ATP2B2: variants seen among roughly 807,000 people sequenced by gnomAD.
ATP2B2 encodes the protein ATPase plasma membrane Ca2+ transporting 2.
In ATP2B2, 15 loss-of-function variants were observed where a neutral mutation model predicts 120.0. The observed-to-expected ratio is 0.12, with a 90% confidence interval of 0.08 to 0.19. The LOEUF is 0.19. ATP2B2 is among the 10% of genes least tolerant of loss of function. The pLI, the probability that ATP2B2 is intolerant of heterozygous loss-of-function variation, is 1.00. For synonymous variants in ATP2B2, 694 were observed against 700.3 expected, an observed-to-expected ratio of 0.99 and a Z score of 0.14; for missense variants, 1,045 against 1,719.8, an observed-to-expected ratio of 0.61 and a Z score of 6.94.
intron 1 of ATP2B2, among the ~76,000 whole-genome samples, chr3:10,645,116 G>A (rs1447070190): frequency 6.6e-6 from 1 of 152,148 alleles, no homozygotes; most frequent in Non-Finnish European, 1.5e-5. Context: ...AAAAGAGAGA[G>A]AGAGAGAGAA....
chr3:10,573,150 C>A (rs529154225), intron 2 of ATP2B2, among the ~76,000 whole-genome samples: 6 of 105,770 alleles, frequency 5.7e-5, no homozygotes, highest in African/African-American at 1.9e-4. Flanking sequence ...AAGCCAAATA[C>A]ATTTTTTTTT....
intron 3 of ATP2B2, among the ~76,000 whole-genome samples, chr3:10,521,460 G>A (rs1439050187): frequency 3.9e-5 from 6 of 152,236 alleles, no homozygotes; most frequent in Admixed American, 3.9e-4. Context: ...TAATGTCGGT[G>A]ATTATGGACA....
At chr3:10,352,496 C>T (rs984074365) in intron 14 of ATP2B2, among the ~76,000 whole-genome samples, 5 of 152,186 alleles carry the variant, frequency 3.3e-5, no homozygotes, top group East Asian at 3.8e-4. Context: ...TCTAAGAGAC[C>T]GGCTCTGTGG....
rs34189325 is a variant in ATP2B2, at chr3:10,490,400, C to CTTTT, written c.-320+15061_-320+15064dup. Among the ~76,000 whole-genome samples the CTTTT allele has an allele frequency of 1.5e-4, 20 of 136,830 alleles. 2 individuals are homozygous for CTTTT. Among genetic ancestry groups the CTTTT allele is most frequent in the Middle Eastern group, 3.9e-3 (1 of 254 alleles). The allele number at this position is 136,830 out of a possible 152,430, so 89.8% of individuals were successfully genotyped here. Reference sequence around the variant, plus strand: ...ACAATACATGTCAGTCCACGGCATTCTTTTTTTTTTTTTTTTTCTCTGAGA... The same window carrying CTTTT: ...ACAATACATGTCAGTCCACGGCATTCTTTTTTTTTTTTTTTTTTTTTCTCTGAGA... On this transcript the variant is annotated intron_variant, in intron 1 of 22. Coordinates refer to ENST00000360273, the MANE Select transcript of ATP2B2 (RefSeq NM_001001331.4).
At chr3:10,559,676 C>T (rs1181880408) in intron 2 of ATP2B2, among the ~76,000 whole-genome samples, 3 of 152,202 alleles carry the variant, frequency 2.0e-5, no homozygotes, top group Non-Finnish European at 2.9e-5. Flanking sequence ...CCAATCCCAG[C>T]TCTCTGAGAA....
intron 3 of ATP2B2, among the ~76,000 whole-genome samples, chr3:10,403,769 A>G (rs921185205): frequency 1.3e-5 from 2 of 152,212 alleles, no homozygotes; most frequent in African/African-American, 4.8e-5. Flanking sequence ...GCTGGCTGAG[A>G]GAAGGGTACC....
intron 1 of ATP2B2, among the ~76,000 whole-genome samples, chr3:10,685,515 A>AGT (rs916574095): frequency 6.6e-6 from 1 of 150,834 alleles, no homozygotes; most frequent in Admixed American, 6.6e-5. Context: ...AGAGAGAGAG[A>AGT]GTGTGTGTAT....
chr3:10,572,695 C>CT (rs971163411), intron 2 of ATP2B2, among the ~76,000 whole-genome samples: 1 of 152,186 alleles, frequency 6.6e-6, no homozygotes, highest in African/African-American at 2.4e-5. Flanking sequence ...CCACTGCTCA[C>CT]TTCCTCCAGG....
intron 1 of ATP2B2, among the ~76,000 whole-genome samples, chr3:10,481,332 G>A (rs1268129868): frequency 1.4e-5 from 2 of 147,460 alleles, no homozygotes; most frequent in South Asian, 2.2e-4. Flanking sequence ...CTGTTTCTGC[G>A]GCACACCAGC....
At chr3:10,566,394 T>TC (rs2125537622) in intron 2 of ATP2B2, 1 of 152,334 alleles carries the variant, frequency 6.6e-6, no homozygotes, top group African/African-American at 2.4e-5. Flanking sequence ...TTACTTTTTT[T>TC]CTTTATCTTC....
intron 2 of ATP2B2, among the ~76,000 whole-genome samples, chr3:10,597,963 G>A (rs191717578): frequency 8.5e-5 from 13 of 152,268 alleles, no homozygotes; most frequent in African/African-American, 2.9e-4. Flanking sequence ...TTCGGGAGCC[G>A]ATTTGAACAG....
At chr3:10,625,814 A>C (rs964309219) in intron 1 of ATP2B2, among the ~76,000 whole-genome samples, 1 of 152,194 alleles carries the variant, frequency 6.6e-6, no homozygotes, top group African/African-American at 2.4e-5. Context: ...TAGTGCGCGT[A>C]TTGTATGTTT....
At chr3:10,654,105 G>A (rs2125670310) in intron 1 of ATP2B2, among the ~76,000 whole-genome samples, 1 of 152,246 alleles carries the variant, frequency 6.6e-6, no homozygotes, top group East Asian at 1.9e-4. Context: ...AACCCTCTGA[G>A]GCAGGCTTTG....
At chr3:10,523,372 C>A (rs2067023501) in intron 3 of ATP2B2, among the ~76,000 whole-genome samples, 1 of 152,202 alleles carries the variant, frequency 6.6e-6, no homozygotes, top group African/African-American at 2.4e-5. Flanking sequence ...TTCTCCTGAA[C>A]ATGTCCCCCA....
At chr3:10,504,835 G>C (rs1315683873) in intron 1 of ATP2B2, among the ~76,000 whole-genome samples, 1 of 152,074 alleles carries the variant, frequency 6.6e-6, no homozygotes, top group Non-Finnish European at 1.5e-5. Context: ...CTGCAAAATG[G>C]CCTGGCCACC....
intron 1 of ATP2B2, among the ~76,000 whole-genome samples, chr3:10,471,042 C>T (rs1366410367): frequency 6.6e-6 from 1 of 152,208 alleles, no homozygotes; most frequent in Non-Finnish European, 1.5e-5. Context: ...CTGGGCCAGG[C>T]CAGGCACAAG....
At chr3:10,501,659 G>C (rs1441091178) in intron 1 of ATP2B2, among the ~76,000 whole-genome samples, 1 of 152,190 alleles carries the variant, frequency 6.6e-6, no homozygotes, top group Non-Finnish European at 1.5e-5. Flanking sequence ...AGGAGGGCCT[G>C]ATTTAGCTGT....
chr3:10,539,017 C>A (rs1010620988), intron 2 of ATP2B2, among the ~76,000 whole-genome samples: 1 of 152,212 alleles, frequency 6.6e-6, no homozygotes, highest in African/African-American at 2.4e-5. Context: ...TAATAAGCAA[C>A]TTCAGCAAAG....
chr3:10,680,763 T>G (rs2071363448), intron 1 of ATP2B2, among the ~76,000 whole-genome samples: 1 of 152,144 alleles, frequency 6.6e-6, no homozygotes, highest in Non-Finnish European at 1.5e-5. Context: ...GAGGCACCCT[T>G]AGGACATGTC....
Sources: gnomAD v4.1 joint callset for allele counts (sites outside exome capture counted in the v4.1 genomes callset) on GRCh38, gnomAD v4.1.1 for gene constraint, MANE v1.5 for transcripts, NCBI Gene and HGNC (gene_info 2026-07-23, HGNC 2026-07-21) for gene names.